The following SLIT3 variants were observed in gnomAD, a reference collection of about 807,000 sequenced individuals.
SLIT3 encodes slit guidance ligand 3.
A neutral mutation model predicts 184.0 loss-of-function variants in SLIT3; 68 were observed. The observed-to-expected ratio is 0.37, with a 90% CI of 0.30 to 0.45. The LOEUF is 0.45. SLIT3 is among the 20% of genes least tolerant of loss of function. The probability of loss-of-function intolerance (pLI) is 1.00; values close to 1 mark genes in which losing one functional copy is unlikely to be tolerated. For synonymous variants in SLIT3, 831 were observed against 828.6 expected (o/e 1.00, Z -0.05); for missense variants, 1,707 against 2,026.0 (o/e 0.84, Z 3.02).
intron 4 of SLIT3, among the ~76,000 whole-genome samples, chr5:168,899,723 A>G (rs1037626122): frequency 1.3e-5 from 2 of 152,310 alleles, no homozygotes; most frequent in Non-Finnish European, 1.5e-5. Context: ...TTCATGCAAT[A>G]TTTCACAAAT....
intron 8 of SLIT3, among the ~76,000 whole-genome samples, chr5:168,814,831 A>T (rs920791704): frequency 1.3e-5 from 2 of 152,198 alleles, no homozygotes; most frequent in African/African-American, 4.8e-5. Context: ...CATGCACCTG[A>T]CTCATGATGG....
intron 4 of SLIT3, among the ~76,000 whole-genome samples, chr5:169,112,412 C>T (rs1012494005): frequency 1.1e-4 from 17 of 152,292 alleles, no homozygotes; most frequent in Middle Eastern, 6.8e-3. Flanking sequence ...TGATTCTTTT[C>T]TCACTCATCA....
chr5:168,685,600 A>G lies in SLIT3; in HGVS notation c.3555+87T>C, dbSNP rs964114724. 1.2e-5 allele frequency: 18 copies of G among 1,467,412 alleles called. No individual in the cohort carries two copies. In the African/African-American group the frequency reaches 2.4e-4, roughly 20 times the overall value. 90.9% of individuals were successfully genotyped at this position (1,467,412 alleles called of 1,614,324 possible). ...TGTCCCTGATGGTGCTTTACTGTTA[A>G]GATGGGGCATTCCAGCAATTTTCTG... On this transcript the variant is annotated intron_variant, in intron 31 of 35. Coordinates refer to ENST00000519560, the MANE Select transcript of SLIT3 (RefSeq NM_003062.4).
chr5:169,131,331 G>C (rs1389361458), intron 4 of SLIT3, among the ~76,000 whole-genome samples: 1 of 152,200 alleles, frequency 6.6e-6, no homozygotes, highest in African/African-American at 2.4e-5. Context: ...CTGGGAACTT[G>C]CTAGAAATGC....
At position 168,927,154 on chromosome 5, in the gene SLIT3, T is replaced by C. The variant is rs541895660; in HGVS notation, c.414-43818A>G. ...GATGGATGAATGGATAAACATTTGG[T>C]ATATACATATAATGAGATATTACTC... is the stretch of plus-strand genomic sequence containing the variant. On this transcript the variant is annotated intron_variant, in intron 4 of 35. Transcript: ENST00000519560. Among the ~76,000 whole-genome samples, 356 of 152,308 alleles carry C rather than the reference T, an allele frequency of 2.3e-3. 2 individuals are homozygous for C. The highest frequency in any genetic ancestry group is 3.4e-3 in the Non-Finnish European group (230 of 68,036).
chr5:169,094,980 G>T (rs1759725697), intron 4 of SLIT3, among the ~76,000 whole-genome samples: 1 of 152,148 alleles, frequency 6.6e-6, no homozygotes, highest in Non-Finnish European at 1.5e-5. Context: ...ACCCAGGATG[G>T]CTCATGACTC....
At chr5:169,184,202 A>G (rs2113449282) in intron 4 of SLIT3, among the ~76,000 whole-genome samples, 1 of 152,380 alleles carries the variant, frequency 6.6e-6, no homozygotes, top group South Asian at 2.1e-4. Context: ...ATGCGCTTAT[A>G]AGTTCAAAAT....
At chr5:168,804,775 A>T (rs1756899203) in intron 9 of SLIT3, among the ~76,000 whole-genome samples, 1 of 152,206 alleles carries the variant, frequency 6.6e-6, no homozygotes, top group African/African-American at 2.4e-5. Context: ...TCTCCACTCC[A>T]CTGTGGTAAG....
chr5:169,239,285 T>C (rs539955321), intron 3 of SLIT3, among the ~76,000 whole-genome samples: 1 of 152,160 alleles, frequency 6.6e-6, no homozygotes, highest in Non-Finnish European at 1.5e-5. Flanking sequence ...ATGAATCACA[T>C]TGGTTTATAT....
intron 4 of SLIT3, among the ~76,000 whole-genome samples, chr5:169,102,000 T>C (rs892852878): frequency 3.3e-5 from 5 of 152,178 alleles, no homozygotes; most frequent in Admixed American, 3.3e-4. Flanking sequence ...CTAGACTTAT[T>C]TGTCTTTTCC....
chr5:169,256,542 T>C (rs1232623721), intron 1 of SLIT3, among the ~76,000 whole-genome samples: 2 of 152,254 alleles, frequency 1.3e-5, no homozygotes, highest in Non-Finnish European at 2.9e-5. Context: ...TCCCTGTCGT[T>C]AAACACACAT....
intron 4 of SLIT3, among the ~76,000 whole-genome samples, chr5:169,009,498 C>T (rs986728899): frequency 6.6e-6 from 1 of 152,246 alleles, no homozygotes; most frequent in Non-Finnish European, 1.5e-5. Context: ...GGCCCCCTGG[C>T]CCCACCCAGA....
intron 5 of SLIT3, among the ~76,000 whole-genome samples, chr5:168,871,637 T>A (rs945578606): frequency 6.6e-6 from 1 of 152,174 alleles, no homozygotes; most frequent in East Asian, 1.9e-4. Flanking sequence ...CAGGAAACTA[T>A]AAATATGACT....
rs999480108 is a variant in SLIT3, at chr5:169,300,152, C to T, written c.197+361G>A. Among the ~76,000 whole-genome samples, 5 of 152,230 alleles carry T rather than the reference C, an allele frequency of 3.3e-5. No homozygotes were observed. Among genetic ancestry groups the T allele is most frequent in the Admixed American group, 1.3e-4 (2 of 15,290 alleles). ...TATAGCTTTCTCCTTCGCCCGCCCC[C>T]CTTTTTAACGAGCGCAGACCCCTGA... On this transcript the variant is annotated intron_variant, in intron 1 of 35. Coordinates refer to ENST00000519560, the MANE Select transcript of SLIT3 (RefSeq NM_003062.4). The surrounding 1 kb of genome is among the most constrained non-coding windows in gnomAD (Gnocchi z 4.1).
chr5:168,802,322 G>A (rs1418468440), intron 9 of SLIT3, among the ~76,000 whole-genome samples: 5 of 151,990 alleles, frequency 3.3e-5, no homozygotes, highest in African/African-American at 1.2e-4. Context: ...CAGGTCCCCA[G>A]GTACATGGAA....
intron 4 of SLIT3, among the ~76,000 whole-genome samples, chr5:169,032,509 AT>A (rs3072089): frequency 0.088 from 12,746 of 145,034 alleles, 652 homozygotes; most frequent in African/African-American, 0.13. Flanking sequence ...TGTGCCAGTC[AT>A]TTTTTTTTTT....
At chr5:168,677,025 C>T (rs1761435034) in intron 32 of SLIT3, among the ~76,000 whole-genome samples, 1 of 152,194 alleles carries the variant, frequency 6.6e-6, no homozygotes, top group Non-Finnish European at 1.5e-5. Context: ...TGGCTCTTGC[C>T]CTAGACAAAG....
chr5:168,909,407 T>A (rs1761183870), intron 4 of SLIT3, among the ~76,000 whole-genome samples: 1 of 152,216 alleles, frequency 6.6e-6, no homozygotes, highest in African/African-American at 2.4e-5. Context: ...CTCTCCCCCA[T>A]GGCGCAAAGC....
At chr5:169,073,988 A>T (rs1392124359) in intron 4 of SLIT3, among the ~76,000 whole-genome samples, 1 of 152,204 alleles carries the variant, frequency 6.6e-6, no homozygotes, top group Non-Finnish European at 1.5e-5. Context: ...ATATTTTATC[A>T]ATCAGACAGA....
Sources: allele counts gnomAD v4.1 joint callset (sites outside exome capture counted in the v4.1 genomes callset), GRCh38; gene constraint gnomAD v4.1.1; non-coding constraint Gnocchi (gnomAD v3.1); transcripts MANE v1.5; gene names NCBI Gene and HGNC (gene_info 2026-07-23, HGNC 2026-07-21).